Variants in IL17REL observed in about 807,000 individuals in gnomAD.
IL17REL encodes the protein interleukin-17 receptor E-like protein.
Under a neutral mutation model 49.0 loss-of-function variants are expected in IL17REL, and 36 were observed. The ratio of observed to expected loss-of-function variants is 0.73; its 90% CI spans 0.56 to 0.97. The LOEUF (loss-of-function observed/expected upper bound fraction) is 0.97. IL17REL is among the 50% of genes least tolerant of loss of function. The pLI is 0.00. For missense variants in IL17REL, 470 were observed against 453.9 expected (o/e 1.04, Z -0.32); for synonymous variants, 206 against 192.4 (o/e 1.07, Z -0.58).
At chr22:50,011,217 C>A (rs1242240907), upstream of IL17REL, among the ~76,000 whole-genome samples, 4 of 151,484 alleles carry the variant, frequency 2.6e-5, no homozygotes, top group African/African-American at 9.7e-5. Flanking sequence ...CTCCCTCAGC[C>A]CCGCCAAACC....
exon 13 of IL17REL, chr22:49,995,221 C>T (rs372080717): frequency 3.2e-4 from 49 of 152,662 alleles, no homozygotes; most frequent in African/African-American, 1.2e-3. Context: ...AAGCTCCAGG[C>T]AGCTGCCAGG....
rs1569209293 is a variant in IL17REL, at chr22:49,999,719, G to GC, written c.474+108_474+109insG. On this transcript the variant is annotated intron_variant, in intron 5 of 12. Coordinates refer to ENST00000341280, the Ensembl canonical transcript of IL17REL. ...CTAGGCCTGGCCGGGGGCGGGGCGC[G>GC]GGGGGTGGGCGGGGCGCGGGGTGGG... 85 of 219,760 alleles carry GC rather than the reference G, an allele frequency of 3.9e-4. 4 individuals are homozygous for GC. The African/African-American group carries it at 0.013, about 32-fold the overall frequency. The allele number at this position is 219,760 out of a possible 1,614,324, so 13.6% of individuals were successfully genotyped here. A position where few individuals can be genotyped will look rare whatever the true frequency, so the allele number is the denominator to read the frequency against.
At chr22:49,999,386 G>T in intron 6 of IL17REL, 41 bp from the exon 9 acceptor site, 1 of 1,612,784 alleles carries the variant, frequency 6.2e-7, no homozygotes, top group South Asian at 1.1e-5. Context: ...ACCCATCCCT[G>T]TGCTCCCCTC....
At chr22:49,999,381 TC>T in intron 6 of IL17REL, 36 bp from the exon 9 acceptor site, 1 of 1,612,668 alleles carries the variant, frequency 6.2e-7, no homozygotes, top group Middle Eastern at 1.7e-4. Context: ...AGCCCACCCA[TC>T]CCTGTGCTCC....
At chr22:50,005,824 A>AAAAAG (rs1555949432) in intron 1 of IL17REL, among the ~76,000 whole-genome samples, 2 of 150,704 alleles carry the variant, frequency 1.3e-5, no homozygotes, top group Non-Finnish European at 2.9e-5. Flanking sequence ...CAGAAAATAA[A>AAAAAG]AAAATAAAAT....
At chr22:50,006,954 C>CA (rs34032002) in intron 1 of IL17REL, among the ~76,000 whole-genome samples, 53,025 of 101,554 alleles carry the variant, frequency 0.52, 11,437 homozygotes, top group South Asian at 0.73. Flanking sequence ...GACTCTGTCT[C>CA]AAAAAAAAAA....
chr22:49,994,062 T>TC (rs2061019328), downstream of IL17REL, among the ~76,000 whole-genome samples: 1 of 148,682 alleles, frequency 6.7e-6, no homozygotes, highest in South Asian at 2.2e-4. Context: ...GCAGCCTGTA[T>TC]CCCCCCATTC....
Position 49,996,928 on chromosome 22 carries a change from G to T in IL17REL, c.*44+66C>A, listed in dbSNP as rs1334636770. The T allele has an allele frequency of 6.5e-6, 5 of 764,442 alleles. No homozygotes were observed. In the East Asian group the frequency reaches 8.5e-5, roughly 13 times the overall value. The allele number at this position is 764,442 out of a possible 1,614,324, so 47.4% of individuals were successfully genotyped here. A position where few individuals can be genotyped will look rare whatever the true frequency, so the allele number is the denominator to read the frequency against. On this transcript the variant is annotated intron_variant, in intron 12 of 12. Coordinates refer to ENST00000341280, the Ensembl canonical transcript of IL17REL. ...CCCCGGGGATGGGGGATGGGAAGGGGGGGTGTGAACTGAGGTCCTGCAGTG... is the reference window on the plus strand; with the variant it reads ...CCCCGGGGATGGGGGATGGGAAGGGTGGGTGTGAACTGAGGTCCTGCAGTG...
chr22:49,999,019 CTT>C (rs529375671), intron 7 of IL17REL, among the ~76,000 whole-genome samples: 109 of 152,244 alleles, frequency 7.2e-4, no homozygotes, highest in Middle Eastern at 3.4e-3. Flanking sequence ...GGACGTCTCT[CTT>C]GTGCCCCTCA....
At chr22:49,999,587 G>A (rs1479507683) in intron 5 of IL17REL, 85 bp from the exon 8 acceptor site, 1 of 1,160,448 alleles carries the variant, frequency 8.6e-7, no homozygotes, top group Non-Finnish European at 1.2e-6. Context: ...GAACGGGGCG[G>A]GAGCGGGGAC....
At chr22:50,000,098 C>T in intron 4 of IL17REL, 98 bp downstream of exon 6, 1 of 1,081,584 alleles carries the variant, frequency 9.2e-7, no homozygotes, top group Non-Finnish European at 1.2e-6. Context: ...GCCCGAGGGC[C>T]CCTCAGGATT....
upstream of IL17REL, among the ~76,000 whole-genome samples, chr22:50,009,361 C>T (rs993668779): frequency 2.0e-5 from 3 of 152,156 alleles, no homozygotes; most frequent in Admixed American, 6.5e-5. Flanking sequence ...CAGGCTCCCA[C>T]GGGGCAGAAG....
chr22:49,998,703 G>A (rs763704750), intron 7 of IL17REL, among the ~76,000 whole-genome samples: 20 of 150,558 alleles, frequency 1.3e-4, no homozygotes, highest in Non-Finnish European at 3.0e-4. Flanking sequence ...GCATGGGTGT[G>A]TGTGCATGTG....
At chr22:50,011,225 A>G (rs1031765280), upstream of IL17REL, among the ~76,000 whole-genome samples, 5 of 145,432 alleles carry the variant, frequency 3.4e-5, no homozygotes, top group African/African-American at 1.3e-4. Context: ...GCCCCGCCAA[A>G]CCCCTCCTCT....
upstream of IL17REL, among the ~76,000 whole-genome samples, chr22:50,012,278 A>G (rs952720546): frequency 7.9e-5 from 12 of 152,206 alleles, no homozygotes. Flanking sequence ...GCTGCCCTAG[A>G]TTCTAACACA....
downstream of IL17REL, among the ~76,000 whole-genome samples, chr22:49,994,162 C>G (rs892979654): frequency 5.3e-5 from 8 of 152,086 alleles, no homozygotes; most frequent in Non-Finnish European, 1.2e-4. Flanking sequence ...GAGGGACACC[C>G]TGTCCATGCC....
chr22:50,005,028 A>C (rs1377790405), intron 1 of IL17REL, among the ~76,000 whole-genome samples: 3 of 151,816 alleles, frequency 2.0e-5, no homozygotes, highest in Admixed American at 6.6e-5. Flanking sequence ...CACGGTGAGC[A>C]AGGAAAATGA....
At chr22:50,005,058 G>C (rs1393616107) in intron 1 of IL17REL, among the ~76,000 whole-genome samples, 1 of 149,924 alleles carries the variant, frequency 6.7e-6, no homozygotes, top group East Asian at 2.0e-4. Context: ...CAGAGTTAGT[G>C]AAACGGGCGC....
At chr22:49,998,705 GTGCATGTGTACGTGTT>G (rs1456076487) in intron 7 of IL17REL, among the ~76,000 whole-genome samples, 1 of 150,912 alleles carries the variant, frequency 6.6e-6, no homozygotes, top group African/African-American at 2.5e-5. Flanking sequence ...ATGGGTGTGT[GTGCATGTGTACGTGTT>G]TGCATGTGTA....
Sources: gnomAD v4.1 joint callset for allele counts (sites outside exome capture counted in the v4.1 genomes callset) on GRCh38, gnomAD v4.1.1 for gene constraint, MANE v1.5 for transcripts, NCBI Gene and HGNC (gene_info 2026-07-23, HGNC 2026-07-21) for gene names.